STXBP5L: variants seen among roughly 807,000 people sequenced by gnomAD.
The protein encoded by STXBP5L is syntaxin-binding protein 5-like.
A neutral mutation model predicts 144.5 loss-of-function variants in STXBP5L; 65 were observed. That is an observed-to-expected ratio of 0.45 (90% CI 0.37 to 0.55). STXBP5L has a LOEUF of 0.55. STXBP5L is among the 20% of genes least tolerant of loss of function. STXBP5L has a pLI of 0.00. For synonymous variants in STXBP5L, 505 were observed against 469.6 expected (o/e 1.08, Z -0.97); for missense variants, 1,298 against 1,405.5 (o/e 0.92, Z 1.22).
intron 5 of STXBP5L, among the ~76,000 whole-genome samples, chr3:121,057,311 G>T (rs1236071735): frequency 6.6e-6 from 1 of 151,716 alleles, no homozygotes; most frequent in Non-Finnish European, 1.5e-5. Context: ...TATTCTAAAG[G>T]ATCACTCTTT....
At chr3:121,304,314 G>A (rs1283469811) in intron 19 of STXBP5L, among the ~76,000 whole-genome samples, 1 of 152,040 alleles carries the variant, frequency 6.6e-6, no homozygotes, top group African/African-American at 2.4e-5. Context: ...TTTTGTAACT[G>A]ACAGAACAAA....
At chr3:121,082,980 C>T (rs376124017) in intron 5 of STXBP5L, among the ~76,000 whole-genome samples, 17 of 152,166 alleles carry the variant, frequency 1.1e-4, no homozygotes, top group African/African-American at 3.1e-4. Context: ...AGGCAGATTA[C>T]GAGGTCAAGA....
At chr3:121,073,655 T>G (rs2041900137) in intron 5 of STXBP5L, among the ~76,000 whole-genome samples, 1 of 152,154 alleles carries the variant, frequency 6.6e-6, no homozygotes, top group African/African-American at 2.4e-5. Flanking sequence ...CAAAGCCTTC[T>G]TGATGTCTTT....
At chr3:121,037,236 T>C (rs1429602952) in intron 3 of STXBP5L, among the ~76,000 whole-genome samples, 1 of 151,840 alleles carries the variant, frequency 6.6e-6, no homozygotes, top group Non-Finnish European at 1.5e-5. Context: ...CCTGGTTTTT[T>C]TTTTTTCTGT....
At chr3:121,310,244 A>C (rs551397080) in intron 19 of STXBP5L, among the ~76,000 whole-genome samples, 56 of 152,364 alleles carry the variant, frequency 3.7e-4, no homozygotes, top group Non-Finnish European at 5.7e-4. Context: ...GGAATTAAAA[A>C]GAAATTACAA....
chr3:121,052,379 T>C (rs1173313835), intron 5 of STXBP5L, among the ~76,000 whole-genome samples: 4 of 152,032 alleles, frequency 2.6e-5, no homozygotes, highest in Non-Finnish European at 4.4e-5. Flanking sequence ...CAGCAGCACA[T>C]CAAAAAGCTT....
intron 3 of STXBP5L, among the ~76,000 whole-genome samples, chr3:120,995,487 C>A (rs906266105): frequency 2.6e-5 from 4 of 151,684 alleles, no homozygotes; most frequent in Admixed American, 2.0e-4. Context: ...TCTTTTCTTA[C>A]CTTCTTGTGC....
At chr3:121,048,268 T>A (rs544920203) in intron 5 of STXBP5L, among the ~76,000 whole-genome samples, 2 of 152,136 alleles carry the variant, frequency 1.3e-5, no homozygotes, top group African/African-American at 4.8e-5. Flanking sequence ...TTCTCTCCAG[T>A]TGCCTTTCAC....
At chr3:121,309,093 A>T (rs2043435423) in intron 19 of STXBP5L, among the ~76,000 whole-genome samples, 1 of 152,082 alleles carries the variant, frequency 6.6e-6, no homozygotes. Context: ...AGACTAGAGG[A>T]TCAAAAAAAA....
chr3:121,286,614 G>A (rs181049847), intron 19 of STXBP5L, among the ~76,000 whole-genome samples: 12 of 152,252 alleles, frequency 7.9e-5, no homozygotes, highest in African/African-American at 9.6e-5. Flanking sequence ...ATTTTTGAAA[G>A]TGTTGTCAGG....
intron 20 of STXBP5L, among the ~76,000 whole-genome samples, chr3:121,356,096 G>A (rs1230015417): frequency 6.6e-6 from 1 of 152,222 alleles, no homozygotes; most frequent in Non-Finnish European, 1.5e-5. Flanking sequence ...CTTATCTGAG[G>A]TATCTGTCAG....
Position 121,006,331 on chromosome 3 carries a change from T to A in STXBP5L, c.288-35369T>A, listed in dbSNP as rs190885947. Among the ~76,000 whole-genome samples, 766 of 152,300 alleles carry A rather than the reference T, an allele frequency of 5.0e-3. 4 individuals are homozygous for A. The highest frequency in any genetic ancestry group is 0.013 in the Admixed American group (205 of 15,300). On this transcript the variant is annotated intron_variant, in intron 3 of 26. Transcript: ENST00000471454. ...ATGGCCTTCTTTGTCTCTTTTGATC[T>A]TTGTTGGTTTAAAGTCTGTTTTATC...
intron 3 of STXBP5L, among the ~76,000 whole-genome samples, chr3:121,036,772 AT>A (rs3863971): frequency 0.19 from 23,195 of 122,040 alleles, 1,699 homozygotes; most frequent in Middle Eastern, 0.27. Context: ...ACATTGATTG[AT>A]TTTTTTTTTT....
intron 2 of STXBP5L, among the ~76,000 whole-genome samples, chr3:120,927,498 G>C (rs1379233777): frequency 6.6e-6 from 1 of 152,226 alleles, no homozygotes; most frequent in East Asian, 1.9e-4. Flanking sequence ...GGTTGGGGTA[G>C]AGACAGGGCT....
chr3:121,389,054 G>A (rs908861113), intron 22 of STXBP5L, among the ~76,000 whole-genome samples: 11 of 152,228 alleles, frequency 7.2e-5, no homozygotes, highest in East Asian at 3.9e-4. Flanking sequence ...ATTAATTATT[G>A]CCTCAATCTC....
chr3:121,202,128 A>G (rs1328756553), intron 9 of STXBP5L, among the ~76,000 whole-genome samples: 5 of 152,130 alleles, frequency 3.3e-5, no homozygotes, highest in African/African-American at 7.2e-5. Context: ...CCAATAATAC[A>G]TTATTTAAAT....
chr3:121,362,489 AG>A (rs2045740598), intron 20 of STXBP5L, among the ~76,000 whole-genome samples: 1 of 152,180 alleles, frequency 6.6e-6, no homozygotes, highest in Non-Finnish European at 1.5e-5. Flanking sequence ...TTAAAAGCAG[AG>A]GAGCTCCACC....
intron 20 of STXBP5L, among the ~76,000 whole-genome samples, chr3:121,343,160 T>C (rs2044793630): frequency 6.6e-6 from 1 of 152,194 alleles, no homozygotes; most frequent in East Asian, 1.9e-4. Flanking sequence ...GAGAAGTGTC[T>C]GTTCATGTCC....
chr3:121,213,766 T>C (rs916894336), intron 10 of STXBP5L, among the ~76,000 whole-genome samples: 1 of 152,206 alleles, frequency 6.6e-6, no homozygotes, highest in Admixed American at 6.5e-5. Context: ...TTCTATTGTT[T>C]GGAATAGTTT....
Sources: gnomAD v4.1 joint callset for allele counts (sites outside exome capture counted in the v4.1 genomes callset) on GRCh38, gnomAD v4.1.1 for gene constraint, MANE v1.5 for transcripts, NCBI Gene and HGNC (gene_info 2026-07-23, HGNC 2026-07-21) for gene names.